BABAM2: variants seen among roughly 807,000 people sequenced by gnomAD.
The protein encoded by BABAM2 is BRISC and BRCA1-A complex member 2.
A neutral mutation model predicts 54.7 loss-of-function variants in BABAM2; 31 were observed. That is an observed-to-expected ratio of 0.57 (90% CI 0.43 to 0.77). The LOEUF is 0.77. Ranked by LOEUF, BABAM2 falls within the 30% of genes least tolerant of loss-of-function variation. The probability of loss-of-function intolerance (pLI) is 0.00; values close to 1 mark genes in which losing one functional copy is unlikely to be tolerated. For synonymous variants in BABAM2, 167 were observed against 162.9 expected (o/e 1.03, Z -0.19); for missense variants, 364 against 455.8 (o/e 0.80, Z 1.83).
intron 3 of BABAM2, among the ~76,000 whole-genome samples, chr2:27,984,861 C>T (rs1284302400): frequency 3.3e-5 from 5 of 152,056 alleles, no homozygotes; most frequent in Admixed American, 6.6e-5. Context: ...CCCTTTCCCT[C>T]GAGTCCCCAA....
In BABAM2 at chr2:27,995,364, G is replaced by A. The variant is rs774837141; in HGVS notation, c.300+7277G>A. On this transcript the variant is annotated intron_variant, in intron 4 of 11. Transcript: ENST00000379624. This position sits in a 1 kb window ranked among gnomAD's most constrained non-coding sequence, Gnocchi z 4.1. ...TCCTCCCTCTGCTGTGCCTTGCACT[G>A]TTCCTCCATCACTCTCTGTTGACAA... Among the ~76,000 whole-genome samples the A allele has an allele frequency of 5.9e-5, 9 of 152,156 alleles. No individual in the cohort carries two copies. Among genetic ancestry groups the A allele is most frequent in the African/African-American group, 1.7e-4 (7 of 41,420 alleles).
At chr2:28,087,615 G>C (rs1665771918) in intron 6 of BABAM2, among the ~76,000 whole-genome samples, 3 of 151,668 alleles carry the variant, frequency 2.0e-5, no homozygotes, top group Non-Finnish European at 4.4e-5. Flanking sequence ...GCAACTGCCA[G>C]TACCTCTATT....
At chr2:28,100,496 CTT>C (rs1194229332) in intron 6 of BABAM2, among the ~76,000 whole-genome samples, 1 of 148,964 alleles carries the variant, frequency 6.7e-6, no homozygotes, top group Non-Finnish European at 1.5e-5. Context: ...GGCTGCCTGA[CTT>C]TTAAAAGTCA....
chr2:28,004,406 G>A (rs923486449), intron 4 of BABAM2, among the ~76,000 whole-genome samples: 8 of 152,028 alleles, frequency 5.3e-5, no homozygotes, highest in African/African-American at 1.9e-4. Context: ...AAAAATAGAA[G>A]TACAACATTA....
intron 10 of BABAM2, among the ~76,000 whole-genome samples, chr2:28,258,044 G>A (rs1684116836): frequency 1.3e-5 from 2 of 152,124 alleles, no homozygotes; most frequent in African/African-American, 4.8e-5. Context: ...TGGCATGGCA[G>A]CAGGCACTTG....
At chr2:28,173,403 G>A (rs1031272699) in intron 7 of BABAM2, among the ~76,000 whole-genome samples, 1 of 152,196 alleles carries the variant, frequency 6.6e-6, no homozygotes, top group African/African-American at 2.4e-5. Context: ...GGACCAGGTA[G>A]GCTGCCAGTT....
chr2:27,897,470 CT>C (rs1558569322), intron 2 of BABAM2, among the ~76,000 whole-genome samples: 1 of 151,704 alleles, frequency 6.6e-6, no homozygotes, highest in Non-Finnish European at 1.5e-5. Flanking sequence ...AGGTTAGCTG[CT>C]TTTTTGTTGA....
At chr2:28,135,807 CTT>C (rs1670482278) in intron 7 of BABAM2, among the ~76,000 whole-genome samples, 1 of 152,182 alleles carries the variant, frequency 6.6e-6, no homozygotes, top group Non-Finnish European at 1.5e-5. Flanking sequence ...GTCTCTGAGT[CTT>C]GTCATGCCTA....
At chr2:27,966,770 G>T (rs145482534) in intron 3 of BABAM2, among the ~76,000 whole-genome samples, 4,142 of 152,246 alleles carry the variant, frequency 0.027, 85 homozygotes, top group Non-Finnish European at 0.041. Flanking sequence ...GATTAATTTG[G>T]TACATCAAGC....
At chr2:28,255,441 T>G (rs1323287203) in intron 10 of BABAM2, among the ~76,000 whole-genome samples, 2 of 151,944 alleles carry the variant, frequency 1.3e-5, no homozygotes, top group African/African-American at 2.4e-5. Flanking sequence ...GCCCGGCTAA[T>G]TTTTGTATTT....
At chr2:28,097,481 C>T (rs1264289804) in intron 6 of BABAM2, among the ~76,000 whole-genome samples, 3 of 151,978 alleles carry the variant, frequency 2.0e-5, no homozygotes, top group Non-Finnish European at 4.4e-5. Flanking sequence ...TACATTTTTT[C>T]CAGGTTCATC....
At chr2:27,910,314 G>A (rs1666490029) in intron 2 of BABAM2, among the ~76,000 whole-genome samples, 2 of 151,134 alleles carry the variant, frequency 1.3e-5, no homozygotes, top group Admixed American at 6.6e-5. Context: ...GTTGAAAAAA[G>A]TCATTAGAAA....
chr2:28,199,842 AC>A, intron 7 of BABAM2, among the ~76,000 whole-genome samples: 1 of 152,254 alleles, frequency 6.6e-6, no homozygotes, highest in South Asian at 2.1e-4. Context: ...AACATCCTGG[AC>A]CCTAAGACCT....
intron 7 of BABAM2, among the ~76,000 whole-genome samples, chr2:28,165,536 T>G (rs952680715): frequency 3.0e-5 from 4 of 134,362 alleles, no homozygotes; most frequent in African/African-American, 1.1e-4. Context: ...TTGCTTTTTT[T>G]TTTTTTTTTT....
chr2:28,316,600 T>C (rs550608198), intron 11 of BABAM2, among the ~76,000 whole-genome samples: 1 of 152,286 alleles, frequency 6.6e-6, no homozygotes, highest in African/African-American at 2.4e-5. Context: ...CCACAGTCAA[T>C]TGGTAGAATG....
chr2:27,976,489 G>A (rs1671615353), intron 3 of BABAM2, among the ~76,000 whole-genome samples: 1 of 152,072 alleles, frequency 6.6e-6, no homozygotes, highest in African/African-American at 2.4e-5. Context: ...CCATTTATAT[G>A]GCATTCTGGA....
At chr2:28,113,810 T>C (rs1360411813) in intron 6 of BABAM2, among the ~76,000 whole-genome samples, 1 of 152,198 alleles carries the variant, frequency 6.6e-6, no homozygotes, top group Non-Finnish European at 1.5e-5. Flanking sequence ...TTTGTTTGTG[T>C]CCTCTCTTAT....
intron 6 of BABAM2, among the ~76,000 whole-genome samples, chr2:28,061,243 A>T (rs1678836881): frequency 6.6e-6 from 1 of 152,082 alleles, no homozygotes; most frequent in Non-Finnish European, 1.5e-5. Flanking sequence ...AGAACAGATA[A>T]TCTTTTCAAC....
chr2:27,928,122 C>G, intron 2 of BABAM2, among the ~76,000 whole-genome samples: 1 of 152,158 alleles, frequency 6.6e-6, no homozygotes, highest in East Asian at 1.9e-4. Flanking sequence ...AGCAATTCGC[C>G]TGAGTTAGCC....
Sources: gnomAD v4.1 joint callset for allele counts (sites outside exome capture counted in the v4.1 genomes callset) on GRCh38, gnomAD v4.1.1 for gene constraint, Gnocchi (gnomAD v3.1) non-coding constraint, MANE v1.5 for transcripts, NCBI Gene and HGNC (gene_info 2026-07-23, HGNC 2026-07-21) for gene names.